The following ADGRF4 variants were observed in gnomAD, a reference collection of about 807,000 sequenced individuals.
ADGRF4 encodes adhesion G protein-coupled receptor F4, also known as G-protein coupled receptor PGR18.
Under a neutral mutation model 58.5 loss-of-function variants are expected in ADGRF4, and 63 were observed. The observed-to-expected ratio is 1.08, with a 90% CI of 0.88 to 1.33. ADGRF4 has a LOEUF of 1.33. ADGRF4 is among the 40% of genes most tolerant of loss of function. The pLI, the probability that ADGRF4 is intolerant of heterozygous loss-of-function variation, is 0.00. For missense variants in ADGRF4, 931 were observed against 843.9 expected, an observed-to-expected ratio of 1.10 and a Z score of -1.28; for synonymous variants, 313 against 295.4, an observed-to-expected ratio of 1.06 and a Z score of -0.61.
At position 47,712,337 on chromosome 6, in the gene ADGRF4, A is replaced by G. The variant is rs374393498; in HGVS notation, c.301-20A>G. On this transcript the variant is annotated intron_variant, in intron 4 of 9. Transcript: ENST00000283303. ...AGGTACTTAATCATTTTTGAATGAAACTACATTTGTTTTAAACAGGACTCA... is the reference window on the plus strand; with the variant it reads ...AGGTACTTAATCATTTTTGAATGAAGCTACATTTGTTTTAAACAGGACTCA... The G allele has an allele frequency of 8.5e-5, 137 of 1,611,174 alleles. No individual in the cohort carries two copies. Among genetic ancestry groups the G allele is most frequent in the Non-Finnish European group, 1.1e-4 (124 of 1,178,002 alleles).
chr6:47,700,047 A>G lies in ADGRF4; in HGVS notation c.-17+1253A>G, dbSNP rs183056738. ...GGTCTGGCCTGGGAGTAAGAGGCGA[A>G]TTGCCACCTTGAAGACTGGCAAAAA... On this transcript the variant is annotated intron_variant, in intron 1 of 9. Coordinates refer to ENST00000283303, the MANE Select transcript of ADGRF4 (RefSeq NM_153838.5). Among the ~76,000 whole-genome samples the G allele has an allele frequency of 4.3e-3, 659 of 152,170 alleles. 3 individuals are homozygous for G. Among genetic ancestry groups the G allele is most frequent in the African/African-American group, 0.014 (575 of 41,506 alleles).
chr6:47,713,835 C>A lies in ADGRF4; in HGVS notation c.590C>A (p.Ala197Glu). ...GTGGCCAACCACATCCTCGACACAG[C>A]AGCCATTTCAAACTGGGCTTTCATT... is the stretch of plus-strand genomic sequence containing the variant. ...SEVANHILDTAAISNWAFIPN... is the reference protein window; with the variant it reads ...SEVANHILDTEAISNWAFIPN... The change falls in exon 6 of 10, where the codon GCA becomes GAA. Residue 197 changes from alanine (A) to glutamate (E), a missense_variant. Transcript: ENST00000283303. 1 of 1,581,014 alleles carries A rather than the reference C, an allele frequency of 6.3e-7. No individual in the cohort carries two copies. Among genetic ancestry groups the A allele is most frequent in the East Asian group, 2.2e-5 (1 of 44,652 alleles).
At chr6:47,716,946 T>C in intron 7 of ADGRF4, 99 bp downstream of exon 7, 1 of 814,294 alleles carries the variant, frequency 1.2e-6, no homozygotes, top group South Asian at 1.5e-5. Flanking sequence ...TCCAGGGGAG[T>C]TGAGTTTGTG....
chr6:47,712,665 G>C, intron 5 of ADGRF4, 57 bp downstream of exon 5: 1 of 1,327,666 alleles, frequency 7.5e-7, no homozygotes, highest in Non-Finnish European at 1.1e-6. Flanking sequence ...CATTTGAATA[G>C]TTTCAAATAT....
intron 1 of ADGRF4, among the ~76,000 whole-genome samples, chr6:47,704,050 ATTC>A (rs1280427305): frequency 6.6e-6 from 1 of 151,520 alleles, no homozygotes; most frequent in Admixed American, 6.6e-5. Context: ...AACAGGTGCT[ATTC>A]TTTTTTTTTT....
chr6:47,708,302 C>T (rs1311008176), intron 3 of ADGRF4, 24 bp downstream of exon 3: 2 of 1,573,660 alleles, frequency 1.3e-6, no homozygotes, highest in Non-Finnish European at 1.7e-6. Flanking sequence ...GAACAGTCTT[C>T]ATCCATTTGA....
intron 1 of ADGRF4, among the ~76,000 whole-genome samples, chr6:47,700,418 A>G (rs956971849): frequency 6.6e-6 from 1 of 152,212 alleles, no homozygotes; most frequent in South Asian, 2.1e-4. Context: ...CTGTAGTTTT[A>G]AATTCCAACT....
intron 1 of ADGRF4, among the ~76,000 whole-genome samples, chr6:47,703,017 G>A (rs1771623913): frequency 6.6e-6 from 1 of 152,078 alleles, no homozygotes; most frequent in South Asian, 2.1e-4. Context: ...CACTCTTCTT[G>A]TTACATTTAA....
intron 7 of ADGRF4, 133 bp from the exon 8 acceptor site, chr6:47,717,159 A>C: frequency 2.7e-6 from 2 of 730,906 alleles, no homozygotes; most frequent in Non-Finnish European, 5.0e-6. Flanking sequence ...AAATCTTGTT[A>C]CTTGCCAGTC....
intron 4 of ADGRF4, 148 bp from the exon 5 acceptor site, chr6:47,712,209 C>A (rs1771887713): frequency 1.5e-6 from 1 of 669,312 alleles, no homozygotes. Flanking sequence ...ACTGTATCGT[C>A]TCCACCCCCC....
rs763283682 is a variant in ADGRF4 at position 47,713,817 on chromosome 6, A to G, written c.572A>G (p.Asn191Ser). The G allele has an allele frequency of 9.6e-6, 15 of 1,559,058 alleles. No homozygotes were observed. The highest frequency in any genetic ancestry group is 1.2e-5 in the Non-Finnish European group (14 of 1,154,348). ...TTGCAGAGCTATAGTGAAGTGGCCA[A>G]CCACATCCTCGACACAGCAGCCATT... ...EKMKSYSEVA[N>S]HILDTAAISN... The change falls in exon 6 of 10, where the codon AAC becomes AGC. Residue 191 changes from asparagine (N) to serine (S), a missense_variant. Coordinates refer to ENST00000283303, the MANE Select transcript of ADGRF4 (RefSeq NM_153838.5).
chr6:47,714,133 A>G lies in ADGRF4; in HGVS notation c.888A>G (p.Pro296=). The change falls in exon 6 of 10, where the codon CCA becomes CCG. Residue 296 remains proline (P), a synonymous_variant. Transcript: ENST00000283303. ...CCCAAGCCATTAGCATAGCTTTCCC[A>G]ACCTTGGGGGCTATCCTGAGAGAAG... The part of the protein sequence containing the change: ...NASQAISIAF[P]TLGAILREAH... 1 of 1,614,026 alleles carries G rather than the reference A, an allele frequency of 6.2e-7. No homozygotes were observed. The highest frequency in any genetic ancestry group is 1.1e-5 in the South Asian group (1 of 91,040).
chr6:47,712,447 G>C lies in ADGRF4; in HGVS notation c.391G>C (p.Val131Leu). The change falls in exon 5 of 10, where the codon GTA becomes CTA. Residue 131 changes from valine to leucine, a missense_variant. Transcript: ENST00000283303. The part of the protein sequence containing the change: ...DFRAPETIES[V>L]AQGIRKNCPF... Reference sequence around the variant, plus strand: ...TCGAGCTCCAGAGACCATTGAGAGTGTAGCTCAAGGAATCCGTAAGAACTG... The same window carrying C: ...TCGAGCTCCAGAGACCATTGAGAGTCTAGCTCAAGGAATCCGTAAGAACTG... 1 of 1,614,048 alleles carries C rather than the reference G, an allele frequency of 6.2e-7. No homozygotes were observed. Among genetic ancestry groups the C allele is most frequent in the Non-Finnish European group, 8.5e-7 (1 of 1,179,912 alleles).
At chr6:47,701,494 G>A (rs954721553) in intron 1 of ADGRF4, among the ~76,000 whole-genome samples, 60 of 152,332 alleles carry the variant, frequency 3.9e-4, no homozygotes, top group African/African-American at 1.3e-3. Context: ...TGGGTGACTA[G>A]TATAGCAATT....
In ADGRF4 at chr6:47,717,283, C is replaced by T. The variant is rs1369089094; in HGVS notation, c.1975-9C>T. 2 of 1,600,302 alleles carry T rather than the reference C, an allele frequency of 1.2e-6. No homozygotes were observed. The highest frequency in any genetic ancestry group is 1.7e-6 in the Non-Finnish European group (2 of 1,167,476). ...TGTGAGGTACTTCTCATTGTCATTG[C>T]TTCTTTAGATAAGAGATGCTTTGAG... On this transcript the variant is annotated splice_polypyrimidine_tract_variant and intron_variant, in intron 7 of 9. Transcript: ENST00000283303.
chr6:47,702,443 C>T (rs13192254), intron 1 of ADGRF4, among the ~76,000 whole-genome samples: 39,413 of 152,144 alleles, frequency 0.26, 5,736 homozygotes, highest in East Asian at 0.56. Flanking sequence ...GTCCCACTCC[C>T]CGAATTCAAA....
intron 9 of ADGRF4, among the ~76,000 whole-genome samples, chr6:47,718,728 A>T (rs994569590): frequency 6.6e-6 from 1 of 152,228 alleles, no homozygotes; most frequent in African/African-American, 2.4e-5. Context: ...GTCAGTGAGT[A>T]ATAACACTCA....
Position 47,712,354 on chromosome 6 carries a change from C to T in ADGRF4, c.301-3C>T. Reference sequence around the variant, plus strand: ...TGAATGAAACTACATTTGTTTTAAACAGGACTCAACTGGTGCATCTCGCCT... The same window carrying T: ...TGAATGAAACTACATTTGTTTTAAATAGGACTCAACTGGTGCATCTCGCCT... On this transcript the variant is annotated splice_region_variant and splice_polypyrimidine_tract_variant and intron_variant, in intron 4 of 9. Transcript: ENST00000283303. 2 of 1,613,230 alleles carry T rather than the reference C, an allele frequency of 1.2e-6. No homozygotes were observed. The highest frequency in any genetic ancestry group is 1.7e-6 in the Non-Finnish European group (2 of 1,179,418).
intron 6 of ADGRF4, among the ~76,000 whole-genome samples, chr6:47,715,926 A>G (rs906037536): frequency 2.6e-5 from 4 of 152,162 alleles, no homozygotes; most frequent in Non-Finnish European, 5.9e-5. Flanking sequence ...ACTATAGAGC[A>G]CATTTATTAT....
Sources: allele counts gnomAD v4.1 joint callset (sites outside exome capture counted in the v4.1 genomes callset), GRCh38; gene constraint gnomAD v4.1.1; transcripts MANE v1.5; gene names NCBI Gene and HGNC (gene_info 2026-07-23, HGNC 2026-07-21).